ESR1: variants seen among roughly 807,000 people sequenced by gnomAD.
ESR1 encodes estrogen receptor 1.
In ESR1, 12 loss-of-function variants were observed where a neutral mutation model predicts 52.7. The observed-to-expected ratio is 0.23, with a 90% CI of 0.15 to 0.37. ESR1 has a LOEUF of 0.37. Among genes scored for constraint, ESR1 ranks in the 10% least tolerant of loss-of-function variants. The pLI, the probability that ESR1 is intolerant of heterozygous loss-of-function variation, is 1.00. For synonymous variants in ESR1, 305 were observed against 316.8 expected, an observed-to-expected ratio of 0.96 and a Z score of 0.39; for missense variants, 584 against 779.7, an observed-to-expected ratio of 0.75 and a Z score of 2.99.
chr6:151,687,565 A>G (rs1309740456), upstream of ESR1, among the ~76,000 whole-genome samples: 2 of 152,184 alleles, frequency 1.3e-5, no homozygotes, highest in Non-Finnish European at 2.9e-5. Context: ...CAGTCCAAAT[A>G]AAAAACCTGA....
At chr6:151,911,374 A>AT (rs1186017725) in intron 3 of ESR1, among the ~76,000 whole-genome samples, 1 of 152,184 alleles carries the variant, frequency 6.6e-6, no homozygotes, top group African/African-American at 2.4e-5. Context: ...AGTTATGGTT[A>AT]TTGCATGGCT....
At chr6:151,967,227 A>C (rs1186392229) in intron 4 of ESR1, among the ~76,000 whole-genome samples, 1 of 152,172 alleles carries the variant, frequency 6.6e-6, no homozygotes, top group Non-Finnish European at 1.5e-5. Flanking sequence ...ATACATGTGC[A>C]GAACATGCAG....
At chr6:151,984,871 T>C (rs1343459477) in intron 4 of ESR1, among the ~76,000 whole-genome samples, 1 of 152,088 alleles carries the variant, frequency 6.6e-6, no homozygotes, top group Non-Finnish European at 1.5e-5. Flanking sequence ...TATTTTGAGA[T>C]AACTGTGGAG....
Position 151,807,998 on chromosome 6 carries a change from C to G in ESR1, c.86C>G (p.Pro29Arg), listed in dbSNP as rs1778151918. ...AACGAGCTGGAGCCCCTGAACCGTC[C>G]GCAGCTCAAGATCCCCCTGGAGCGG... is the stretch of plus-strand genomic sequence containing the variant. ...QGNELEPLNR[P>R]QLKIPLERPL... The change falls in exon 1 of 8, where the codon CCG becomes CGG. Residue 29 changes from proline (P) to arginine (R), a missense_variant. Coordinates refer to ENST00000206249, the MANE Select transcript of ESR1 (RefSeq NM_000125.4). 2 of 1,613,938 alleles carry G rather than the reference C, an allele frequency of 1.2e-6. No homozygotes were observed. The highest frequency in any genetic ancestry group is 1.7e-6 in the Non-Finnish European group (2 of 1,179,962).
intron 2 of ESR1, among the ~76,000 whole-genome samples, chr6:151,718,870 G>A (rs1051922723): frequency 1.3e-5 from 2 of 151,992 alleles, no homozygotes; most frequent in African/African-American, 4.8e-5. Flanking sequence ...CTCTTACCAT[G>A]ACACTCCCCT....
intron 2 of ESR1, among the ~76,000 whole-genome samples, chr6:151,746,173 A>G (rs1783468796): frequency 1.3e-5 from 2 of 152,208 alleles, no homozygotes; most frequent in African/African-American, 4.8e-5. Context: ...TGCTGTGAAC[A>G]CAGGTGTGCA....
chr6:151,748,538 G>A lies in ESR1; in HGVS notation c.-71+46533G>A, dbSNP rs866319814. 5.9e-5 allele frequency among the ~76,000 whole-genome samples: 9 copies of A among 152,060 alleles called. No homozygotes were observed. In the South Asian group the frequency reaches 6.2e-4, roughly 11 times the overall value. ...TTTGCTCTTATAAGTAATGCCATGC[G>A]CATCCACAAGACATACAATTGTTCT... On this transcript the variant is annotated intron_variant, in intron 2 of 2. Coordinates refer to the ESR1 transcript ENST00000404742.
intron 2 of ESR1, among the ~76,000 whole-genome samples, chr6:151,787,126 C>T (rs1787104866): frequency 6.6e-6 from 1 of 152,120 alleles, no homozygotes; most frequent in African/African-American, 2.4e-5. Context: ...TTATTTTTGT[C>T]AGCTTTGTCA....
chr6:151,893,170 G>A (rs1345625376), intron 3 of ESR1, among the ~76,000 whole-genome samples: 4 of 152,082 alleles, frequency 2.6e-5, no homozygotes, highest in African/African-American at 4.8e-5. Flanking sequence ...CAGACTGGGC[G>A]ACAGAGCAAG....
chr6:151,729,926 GA>G (rs907189630), intron 2 of ESR1, among the ~76,000 whole-genome samples: 1 of 151,786 alleles, frequency 6.6e-6, no homozygotes, highest in African/African-American at 2.4e-5. Context: ...CGTCTGTACA[GA>G]AAAAAAGAAA....
At chr6:151,754,326 A>ATTTTTTTTT (rs11446767) in intron 2 of ESR1, among the ~76,000 whole-genome samples, 1 of 145,030 alleles carries the variant, frequency 6.9e-6, no homozygotes. Flanking sequence ...ATCTATTGCT[A>ATTTTTTTTT]TTTTTTTTTT....
chr6:151,808,359 C>A lies in ESR1; in HGVS notation c.447C>A (p.Phe149Leu). Reference protein sequence around the residue: ...YTVREAGPPAFYRPNSDNRRQ... With the variant: ...YTVREAGPPALYRPNSDNRRQ... ...TGCGCGAGGCCGGCCCGCCGGCATT[C>A]TACAGGTACCCGCGCCCGCGCCGCC... Residue 149 changes from phenylalanine to leucine, a missense_variant, in exon 1 of 8, where the codon TTC becomes TTA. By Grantham distance (22) the Phe-to-Leu change is conservative. Around this residue, in one of 6 missense-constraint regions of ESR1, gnomAD observed 251 missense variants for 246.1 expected, o/e 1.02. Coordinates refer to ENST00000206249, the MANE Select transcript of ESR1 (RefSeq NM_000125.4). 7.1e-7 allele frequency: 1 copy of A among 1,403,312 alleles called. No individual in the cohort carries two copies. The highest frequency in any genetic ancestry group is 9.3e-7 in the Non-Finnish European group (1 of 1,072,916). 86.9% of individuals were successfully genotyped at this position (1,403,312 alleles called of 1,614,324 possible). A position where few individuals can be genotyped will look rare whatever the true frequency, so the allele number is the denominator to read the frequency against.
chr6:152,043,893 C>G (rs953888024), intron 5 of ESR1, among the ~76,000 whole-genome samples: 2 of 152,150 alleles, frequency 1.3e-5, no homozygotes, highest in Admixed American at 6.5e-5. Flanking sequence ...CGTTGCAGGT[C>G]AGCCACTCAC....
intron 7 of ESR1, among the ~76,000 whole-genome samples, chr6:152,095,747 T>C (rs1380511423): frequency 6.6e-6 from 1 of 152,196 alleles, no homozygotes; most frequent in African/African-American, 2.4e-5. Flanking sequence ...TAAGACCTAG[T>C]TGGAACTTAC....
chr6:151,731,035 C>T (rs928797860), intron 2 of ESR1, among the ~76,000 whole-genome samples: 1 of 152,098 alleles, frequency 6.6e-6, no homozygotes, highest in Non-Finnish European at 1.5e-5. Flanking sequence ...TGTTCATCTG[C>T]TCAGGGGATT....
chr6:151,961,572 C>T (rs780083630), intron 4 of ESR1, among the ~76,000 whole-genome samples: 1 of 152,230 alleles, frequency 6.6e-6, no homozygotes, highest in Non-Finnish European at 1.5e-5. Context: ...ACCCTGTGCA[C>T]TGGAGGAGGG....
At chr6:152,039,582 GC>G (rs2045613313) in intron 5 of ESR1, among the ~76,000 whole-genome samples, 1 of 152,114 alleles carries the variant, frequency 6.6e-6, no homozygotes, top group African/African-American at 2.4e-5. Context: ...GGAACAAGAA[GC>G]ACAAATTTTA....
intron 4 of ESR1, among the ~76,000 whole-genome samples, chr6:151,966,884 C>T (rs1466329658): frequency 6.6e-6 from 1 of 152,174 alleles, no homozygotes; most frequent in Non-Finnish European, 1.5e-5. Context: ...CCATCAGAAA[C>T]CCTTCTTTTG....
intron 2 of ESR1, among the ~76,000 whole-genome samples, chr6:151,711,554 C>T (rs1780610507): frequency 6.6e-6 from 1 of 152,194 alleles, no homozygotes; most frequent in Non-Finnish European, 1.5e-5. Context: ...ACCATTCTAA[C>T]TGGTGTGAGA....
Sources: gnomAD v4.1 joint callset for allele counts (sites outside exome capture counted in the v4.1 genomes callset) on GRCh38, gnomAD v4.1.1 for gene constraint, gnomAD v4.1.1 regional missense constraint, MANE v1.5 for transcripts, NCBI Gene and HGNC (gene_info 2026-07-23, HGNC 2026-07-21) for gene names.